Variants in QRSL1 observed in about 807,000 individuals in gnomAD.
QRSL1 encodes the protein glutamyl-tRNA(Gln) amidotransferase subunit A, mitochondrial.
QRSL1 carries 54 observed loss-of-function variants against 61.6 expected under a neutral mutation model. That is an observed-to-expected ratio of 0.88 (90% CI 0.70 to 1.10). The LOEUF (loss-of-function observed/expected upper bound fraction) is 1.10, where lower values mean the gene tolerates loss of function less well. QRSL1 is among the 50% of genes least tolerant of loss of function. The pLI is 0.00. For synonymous variants in QRSL1, 228 were observed against 225.7 expected, an observed-to-expected ratio of 1.01 and a Z score of -0.09; for missense variants, 505 against 622.6, an observed-to-expected ratio of 0.81 and a Z score of 2.01.
intron 1 of QRSL1, 86 bp downstream of exon 1, chr6:106,629,791 G>A (rs1776776018): frequency 4.6e-6 from 7 of 1,509,634 alleles, no homozygotes; most frequent in Non-Finnish European, 5.4e-6. Flanking sequence ...GCCTTACCAC[G>A]CATCTTGGCC....
chr6:106,635,910 C>G (rs1776912860), intron 1 of QRSL1, among the ~76,000 whole-genome samples: 1 of 151,994 alleles, frequency 6.6e-6, no homozygotes, highest in Non-Finnish European at 1.5e-5. Context: ...AAGTGTACCT[C>G]TAATGCTGTC....
chr6:106,638,504 A>G (rs1776958701), intron 1 of QRSL1, among the ~76,000 whole-genome samples: 1 of 151,986 alleles, frequency 6.6e-6, no homozygotes, highest in Admixed American at 6.6e-5. Context: ...GGGTTTCTCC[A>G]TGTTGGTCAG....
chr6:106,652,898 CT>C (rs1777211142), intron 7 of QRSL1: 1 of 716,448 alleles, frequency 1.4e-6, no homozygotes, highest in African/African-American at 1.8e-5. Flanking sequence ...AACTGCTTAA[CT>C]GCCATTATAG....
Position 106,635,697 on chromosome 6 carries a change from A to C in QRSL1, c.25-4652A>C, listed in dbSNP as rs374994571. 3.4e-3 allele frequency among the ~76,000 whole-genome samples: 511 copies of C among 152,106 alleles called. 5 individuals are homozygous for C. The highest frequency in any genetic ancestry group is 0.012 in the African/African-American group (479 of 41,490). On this transcript the variant is annotated intron_variant, in intron 1 of 10. Coordinates refer to ENST00000369046, the MANE Select transcript of QRSL1 (RefSeq NM_018292.5). ...AGACCAGCCTGACCAACATGGTGAA[A>C]CCCCGTCTCTACTAAAAATACAAAA...
intron 3 of QRSL1, 45 bp from the exon 4 acceptor site, chr6:106,642,949 A>T: frequency 7.7e-7 from 1 of 1,301,394 alleles, no homozygotes; most frequent in Non-Finnish European, 1.1e-6. Flanking sequence ...CAAATAAAAG[A>T]CTTCTGGACT....
At chr6:106,639,830 C>A (rs576281300) in intron 1 of QRSL1, among the ~76,000 whole-genome samples, 20 of 152,202 alleles carry the variant, frequency 1.3e-4, no homozygotes, top group Admixed American at 2.6e-4. Context: ...TTTTACTTTG[C>A]CTTTGAACCC....
rs527506314 is a variant in QRSL1 at position 106,660,908 on chromosome 6, C to A, written c.1161-2072C>A. Among the ~76,000 whole-genome samples, 13 of 152,124 alleles carry A rather than the reference C, an allele frequency of 8.5e-5. No homozygotes were observed. The South Asian group carries it at 2.3e-3, about 27-fold the overall frequency. Reference sequence around the variant, plus strand: ...CACTCAAGAGTGGAGTTGTTATGGCCCAATCACCTCTTAAAGGCCCCATCT... The same window carrying A: ...CACTCAAGAGTGGAGTTGTTATGGCACAATCACCTCTTAAAGGCCCCATCT... On this transcript the variant is annotated intron_variant, in intron 9 of 10. Transcript: ENST00000369046.
intron 4 of QRSL1, among the ~76,000 whole-genome samples, chr6:106,646,847 T>C (rs1777112482): frequency 6.6e-6 from 1 of 151,658 alleles, no homozygotes; most frequent in Non-Finnish European, 1.5e-5. Context: ...GCTAACACAG[T>C]GAAACCCTGT....
chr6:106,647,656 T>TC (rs1450931167), intron 4 of QRSL1, among the ~76,000 whole-genome samples: 2 of 129,320 alleles, frequency 1.5e-5, no homozygotes, highest in East Asian at 4.4e-4. Context: ...GTACTTTTTT[T>TC]TTTTTTTTTT....
chr6:106,645,186 A>AT (rs1777088616), intron 4 of QRSL1, among the ~76,000 whole-genome samples: 1 of 152,120 alleles, frequency 6.6e-6, no homozygotes, highest in Admixed American at 6.5e-5. Context: ...TTTCAAAATC[A>AT]TTTTACATAA....
At chr6:106,637,051 G>T (rs1293795247) in intron 1 of QRSL1, among the ~76,000 whole-genome samples, 1 of 152,242 alleles carries the variant, frequency 6.6e-6, no homozygotes, top group African/African-American at 2.4e-5. Flanking sequence ...ATGTGCTGCA[G>T]TTGCACTGCA....
intron 10 of QRSL1, 36 bp downstream of exon 10, chr6:106,663,221 A>G (rs757103666): frequency 6.3e-7 from 1 of 1,595,518 alleles, no homozygotes; most frequent in South Asian, 1.1e-5. Context: ...ATTTTCTTCA[A>G]ATTCTTAGGC....
At chr6:106,636,186 A>T (rs770993098) in intron 1 of QRSL1, among the ~76,000 whole-genome samples, 6 of 152,116 alleles carry the variant, frequency 3.9e-5, no homozygotes, top group Non-Finnish European at 5.9e-5. Flanking sequence ...AAAGTCTGAA[A>T]ATATCCGAAA....
chr6:106,643,974 C>T lies in QRSL1; in HGVS notation c.380+884C>T, dbSNP rs149344055. Among the ~76,000 whole-genome samples, 22 of 151,672 alleles carry T rather than the reference C, an allele frequency of 1.5e-4. No homozygotes were observed. In the East Asian group the frequency reaches 3.2e-3, roughly 22 times the overall value. ...GCAGCCTCCGCCTCCCAGCTTCAAG[C>T]GATTCTCCTGACTCAGCCTCCCAAG... On this transcript the variant is annotated intron_variant, in intron 4 of 10. Coordinates refer to ENST00000369046, the MANE Select transcript of QRSL1 (RefSeq NM_018292.5).
At chr6:106,663,276 G>A (rs746844562) in intron 10 of QRSL1, 91 bp downstream of exon 10, 10 of 1,265,734 alleles carry the variant, frequency 7.9e-6, no homozygotes, top group Middle Eastern at 1.9e-4. Flanking sequence ...GATGGTTTCC[G>A]AAAAGCAAAA....
In QRSL1 at chr6:106,663,095, G is replaced by A. The variant is rs1046948359; in HGVS notation, c.1276G>A (p.Glu426Lys). ...DVLLTPTTLS[E>K]AVPYLEFIKE... is the part of the protein sequence containing the mutation. ...CTTGCTAACTCCCACCACCTTGAGT[G>A]AGGCAGTACCATACTTGGAGTTCAT... is the stretch of plus-strand genomic sequence containing the variant. The change falls in exon 10 of 11, where the codon GAG becomes AAG. Residue 426 changes from glutamate (E) to lysine (K), a missense_variant. By Grantham distance (56) the Glu-to-Lys change is moderately conservative. Transcript: ENST00000369046. The A allele has an allele frequency of 6.2e-7, 1 of 1,614,002 alleles. No homozygotes were observed. Among genetic ancestry groups the A allele is most frequent in the East Asian group, 2.2e-5 (1 of 44,896 alleles).
chr6:106,640,314 C>G (rs373795955), intron 1 of QRSL1, 35 bp from the exon 2 acceptor site: 6 of 1,545,938 alleles, frequency 3.9e-6, no homozygotes, highest in Non-Finnish European at 4.4e-6. Flanking sequence ...CTTCTGCAGA[C>G]TCAGTAAAAG....
chr6:106,650,444 A>T (rs1777174306), intron 5 of QRSL1, among the ~76,000 whole-genome samples: 1 of 152,232 alleles, frequency 6.6e-6, no homozygotes, highest in Non-Finnish European at 1.5e-5. Flanking sequence ...CACTTTAAAT[A>T]TAAGCAACAG....
chr6:106,645,408 C>T (rs1225664962), intron 4 of QRSL1, among the ~76,000 whole-genome samples: 2 of 151,372 alleles, frequency 1.3e-5, no homozygotes, highest in African/African-American at 4.8e-5. Context: ...TTGATTTATT[C>T]GTGTGTTTTA....
Sources: allele counts gnomAD v4.1 joint callset (sites outside exome capture counted in the v4.1 genomes callset), GRCh38; gene constraint gnomAD v4.1.1; transcripts MANE v1.5; gene names NCBI Gene and HGNC (gene_info 2026-07-23, HGNC 2026-07-21).